Variants in LMNA observed in about 807,000 individuals in gnomAD.
LMNA encodes the protein lamin A/C, also known as lamin.
A neutral mutation model predicts 70.4 loss-of-function variants in LMNA; 20 were observed. The observed-to-expected ratio is 0.28, with a 90% CI of 0.20 to 0.41. The LOEUF is 0.41. Among genes scored for constraint, LMNA ranks in the 10% least tolerant of loss-of-function variants. The pLI is 1.00. For missense variants in LMNA, 652 were observed against 917.2 expected (o/e 0.71, Z 3.73); for synonymous variants, 339 against 372.8 (o/e 0.91, Z 1.04).
At chr1:156,121,492 TC>T (rs1329854630) in intron 1 of LMNA, among the ~76,000 whole-genome samples, 1 of 152,120 alleles carries the variant, frequency 6.6e-6, no homozygotes, top group Non-Finnish European at 1.5e-5. Context: ...GCTTGGCACT[TC>T]CCCTGGCCTC....
At chr1:156,091,372 G>A (rs1648690566) in intron 3 of LMNA, among the ~76,000 whole-genome samples, 1 of 152,230 alleles carries the variant, frequency 6.6e-6, no homozygotes, top group Non-Finnish European at 1.5e-5. Context: ...GGAGGCCGAG[G>A]CGGGCAGATC....
chr1:156,083,720 T>A (rs1648365046), intron 2 of LMNA: 1 of 152,194 alleles, frequency 6.6e-6, no homozygotes, highest in South Asian at 2.1e-4. Context: ...GGAGAATTGC[T>A]TGAACCCGGG....
At chr1:156,092,856 A>C (rs1445149947) in intron 3 of LMNA, among the ~76,000 whole-genome samples, 1 of 146,662 alleles carries the variant, frequency 6.8e-6, no homozygotes, top group African/African-American at 2.5e-5. Flanking sequence ...AGCCACATGG[A>C]CTTTCTCCTT....
rs76113322 is a variant in LMNA, at chr1:156,127,186, G to A, written c.357-3431G>A. Among the ~76,000 whole-genome samples, 2,534 of 152,282 alleles carry A rather than the reference G, an allele frequency of 0.017. 74 individuals carry two copies. Among genetic ancestry groups the A allele is most frequent in the African/African-American group, 0.058 (2,424 of 41,546 alleles). On this transcript the variant is annotated intron_variant, in intron 1 of 11. Transcript: ENST00000368300. The stretch of plus-strand genomic sequence containing the variant: ...TAGGTCTGAGGACCCCTCCTAGGAA[G>A]GAAATGGCACTTGGGGGCGGGGGCA...
chr1:156,130,530 G>T (rs753031225), intron 1 of LMNA, 87 bp from the exon 2 acceptor site: 2 of 1,411,486 alleles, frequency 1.4e-6, no homozygotes, highest in Non-Finnish European at 2.0e-6. Context: ...AGCAGCGCCA[G>T]CCCCCATGGC....
At chr1:156,105,176 G>A (rs1415235412) in intron 3 of LMNA, among the ~76,000 whole-genome samples, 2 of 152,188 alleles carry the variant, frequency 1.3e-5, no homozygotes, top group African/African-American at 2.4e-5. Flanking sequence ...GGCAAAGAGG[G>A]CCAATGGGGT....
intron 1 of LMNA, among the ~76,000 whole-genome samples, chr1:156,124,810 G>GTGGGAGTGGCACTTTCACT (rs1188042270): frequency 6.6e-6 from 1 of 152,102 alleles, no homozygotes; most frequent in Non-Finnish European, 1.5e-5. Flanking sequence ...TTGAGGGTGG[G>GTGGGAGTGGCACTTTCACT]TGGGAGTGGC....
rs1466295887 is a variant in LMNA, at chr1:156,103,275, AG to A, written c.-206-11435del. On this transcript the variant is annotated intron_variant, in intron 3 of 12. Coordinates refer to the LMNA transcript ENST00000368301. This position sits in a 1 kb window ranked among gnomAD's most constrained non-coding sequence, Gnocchi z 4.7. Reference sequence around the variant, plus strand: ...CCCATCTCTGCATCCCAGTTTCCAGAGGGCCTGTGGCTGAGGGTGAGAAGCC... The same window carrying A: ...CCCATCTCTGCATCCCAGTTTCCAGAGGCCTGTGGCTGAGGGTGAGAAGCC... 5.9e-5 allele frequency among the ~76,000 whole-genome samples: 9 copies of A among 152,068 alleles called. No individual in the cohort carries two copies. Among genetic ancestry groups the A allele is most frequent in the African/African-American group, 2.2e-4 (9 of 41,404 alleles).
At position 156,139,389 on chromosome 1, in the gene LMNA, C is replaced by T; in HGVS notation, c.*283C>T. 1 of 1,380,232 alleles carries T rather than the reference C, an allele frequency of 7.2e-7. No individual in the cohort carries two copies. Among genetic ancestry groups the T allele is most frequent in the Non-Finnish European group, 9.3e-7 (1 of 1,070,438 alleles). 85.5% of individuals were successfully genotyped at this position (1,380,232 alleles called of 1,614,324 possible). A position where few individuals can be genotyped will look rare whatever the true frequency, so the allele number is the denominator to read the frequency against. ...TCCCTGCTTCCAGGAAACTCCACATCTGCCTTAAAACCAAAGAGGGCTTCC... is the reference window on the plus strand; with the variant it reads ...TCCCTGCTTCCAGGAAACTCCACATTTGCCTTAAAACCAAAGAGGGCTTCC... On this transcript the variant is annotated 3_prime_UTR_variant, in exon 12 of 12. Coordinates refer to ENST00000368300, the MANE Select transcript of LMNA (RefSeq NM_170707.4).
intron 3 of LMNA, among the ~76,000 whole-genome samples, chr1:156,092,619 C>T (rs2102791095): frequency 6.7e-6 from 1 of 150,068 alleles, no homozygotes; most frequent in East Asian, 2.0e-4. Flanking sequence ...GTGGAGGTTG[C>T]AGTAAGCTGT....
In LMNA at chr1:156,139,699, C is replaced by T; in HGVS notation, c.*593C>T. 6.6e-7 allele frequency: 1 copy of T among 1,525,678 alleles called. No homozygotes were observed. Among genetic ancestry groups the T allele is most frequent in the Middle Eastern group, 2.3e-4 (1 of 4,368 alleles). 94.5% of individuals were successfully genotyped at this position (1,525,678 alleles called of 1,614,324 possible). ...CCTGCCCCGCCCCCAGTCCCCACCC[C>T]TGCCCCCAGCCCCGGGGTGAGTCCA... On this transcript the variant is annotated 3_prime_UTR_variant, in exon 12 of 12. Transcript: ENST00000368300.
At position 156,084,341 on chromosome 1, in the gene LMNA, G is replaced by A. The variant is rs1030662944; in HGVS notation, c.-319+1157G>A. On this transcript the variant is annotated intron_variant, in intron 2 of 12. Coordinates refer to the LMNA transcript ENST00000368301. ...ATCTCAGAAGGTCGGGGGGTGGTGG[G>A]GGCAGTTGGCACACTGCAGGGATTT... 1.6e-5 allele frequency among the ~76,000 whole-genome samples: 2 copies of A among 127,240 alleles called. 1 individual carries two copies. The highest frequency in any genetic ancestry group is 3.4e-5 in the Non-Finnish European group (2 of 58,266). 83.5% of individuals were successfully genotyped at this position (127,240 alleles called of 152,430 possible). A position where few individuals can be genotyped will look rare whatever the true frequency, so the allele number is the denominator to read the frequency against.
intron 1 of LMNA, among the ~76,000 whole-genome samples, chr1:156,125,773 G>A (rs1446470355): frequency 6.6e-6 from 1 of 151,870 alleles, no homozygotes; most frequent in East Asian, 1.9e-4. Context: ...TGGATCACCT[G>A]AGGTCAGGAG....
intron 1 of LMNA, among the ~76,000 whole-genome samples, chr1:156,129,161 C>A (rs543897819): frequency 6.6e-6 from 1 of 152,322 alleles, no homozygotes; most frequent in South Asian, 2.1e-4. Flanking sequence ...CAGACACTTA[C>A]ATTAAACAAC....
chr1:156,104,290 G>A (rs1393823207), intron 3 of LMNA, among the ~76,000 whole-genome samples: 2 of 152,170 alleles, frequency 1.3e-5, no homozygotes, highest in African/African-American at 4.8e-5. Context: ...GAGCCTGGAA[G>A]GGCCTGCAGC....
intron 2 of LMNA, among the ~76,000 whole-genome samples, chr1:156,088,893 C>A (rs894189159): frequency 2.6e-5 from 4 of 152,184 alleles, no homozygotes; most frequent in African/African-American, 4.8e-5. Context: ...ACCTCATGAT[C>A]CACCTGCCTC....
chr1:156,130,582 C>T lies in LMNA; in HGVS notation c.357-35C>T, dbSNP rs557614612. ...TGGCACTGTCTAGGCACACAGACTC[C>T]TTCTCTTAAATCTACTCTCCCCTCT... On this transcript the variant is annotated intron_variant, in intron 1 of 11. Transcript: ENST00000368300. 3 of 1,612,256 alleles carry T rather than the reference C, an allele frequency of 1.9e-6. No individual in the cohort carries two copies. In the South Asian group the frequency reaches 3.3e-5, roughly 18 times the overall value.
chr1:156,137,333 C>A lies in LMNA; in HGVS notation c.1608+101C>A. ...ACCCAAGTTTGCCAATTCAGGGCCC[C>A]TTTCTAGAGCTCTCTGTTGCAGGCT... On this transcript the variant is annotated intron_variant, in intron 9 of 11. Coordinates refer to ENST00000368300, the MANE Select transcript of LMNA (RefSeq NM_170707.4). The surrounding 1 kb of genome is among the most constrained non-coding windows in gnomAD (Gnocchi z 4.6). 7.0e-7 allele frequency: 1 copy of A among 1,437,682 alleles called. No individual in the cohort carries two copies. Among genetic ancestry groups the A allele is most frequent in the East Asian group, 2.5e-5 (1 of 40,470 alleles). The allele number at this position is 1,437,682 out of a possible 1,614,324, so 89.1% of individuals were successfully genotyped here.
chr1:156,138,175 T>C lies in LMNA; in HGVS notation c.1699-313T>C, dbSNP rs1265722468. 2 of 554,408 alleles carry C rather than the reference T, an allele frequency of 3.6e-6. No individual in the cohort carries two copies. Among genetic ancestry groups the C allele is most frequent in the Non-Finnish European group, 6.5e-6 (2 of 309,028 alleles). The allele number at this position is 554,408 out of a possible 1,614,324, so 34.3% of individuals were successfully genotyped here. ...CCCCTCCACTCCAATTAATAGTGCATGCCTGCTGCCCTACAAGCTTGCTCC... is the reference window on the plus strand; with the variant it reads ...CCCCTCCACTCCAATTAATAGTGCACGCCTGCTGCCCTACAAGCTTGCTCC... On this transcript the variant is annotated intron_variant, in intron 10 of 11. Transcript: ENST00000368300. The surrounding 1 kb of genome is among the most constrained non-coding windows in gnomAD (Gnocchi z 5.5).
Sources: allele counts gnomAD v4.1 joint callset (sites outside exome capture counted in the v4.1 genomes callset), GRCh38; gene constraint gnomAD v4.1.1; non-coding constraint Gnocchi (gnomAD v3.1); transcripts MANE v1.5; gene names NCBI Gene and HGNC (gene_info 2026-07-23, HGNC 2026-07-21).